ZNF469: variants seen among roughly 807,000 people sequenced by gnomAD.
ZNF469 encodes zinc finger protein 469.
Under a neutral mutation model 1.0 loss-of-function variants are expected in ZNF469, and 1 was observed. The observed-to-expected ratio is 1.00, with a 90% CI of 0.35 to 4.73. The LOEUF is 4.73. ZNF469 is among the 30% of genes most tolerant of loss of function. The pLI is 0.16. For synonymous variants in ZNF469, 2,703 were observed against 2,363.4 expected, an observed-to-expected ratio of 1.14 and a Z score of -4.17; for missense variants, 6,100 against 5,356.3, an observed-to-expected ratio of 1.14 and a Z score of -4.33.
chr16:88,121,330 G>A, the ZNF469 span, among the ~76,000 whole-genome samples: 38 of 152,064 alleles, frequency 2.5e-4, no homozygotes, highest in Non-Finnish European at 3.5e-4. Flanking sequence ...ATTAAAACTC[G>A]AAACAAAAAC....
the ZNF469 span, among the ~76,000 whole-genome samples, chr16:88,124,348 C>A: frequency 9.9e-5 from 15 of 152,252 alleles, no homozygotes; most frequent in African/African-American, 3.6e-4. Flanking sequence ...ACCTCAGCCT[C>A]CTGAGTAGCT....
At chr16:88,205,108 A>T in the ZNF469 span, among the ~76,000 whole-genome samples, 1 of 152,016 alleles carries the variant, frequency 6.6e-6, no homozygotes, top group South Asian at 2.1e-4. The surrounding 1 kb of genome is among the most constrained non-coding windows in gnomAD (Gnocchi z 4.2). Context: ...CATTCCCTGT[A>T]CCCCAATATT....
chr16:88,428,965 G>A lies in ZNF469; in HGVS notation c.1495G>A (p.Glu499Lys), dbSNP rs1194732406. 1 of 1,548,406 alleles carries A rather than the reference G, an allele frequency of 6.5e-7. No individual in the cohort carries two copies. Among genetic ancestry groups the A allele is most frequent in the Non-Finnish European group, 8.7e-7 (1 of 1,146,446 alleles). The change falls in exon 3 of 3, where the codon GAG becomes AAG. Residue 499 changes from glutamate to lysine, a missense_variant. Glu to Lys is a moderately conservative substitution (Grantham distance 56). Coordinates refer to ENST00000565624, the MANE Select transcript of ZNF469 (RefSeq NM_001367624.2). ...PTARPSPHGM[E>K]MLSRLPFPAG... ...CGCCCGGCCAAGTCCCCACGGAATG[G>A]AGATGCTGAGCCGGCTGCCTTTCCC...
At chr16:88,281,945 T>C in the ZNF469 span, among the ~76,000 whole-genome samples, 1 of 152,218 alleles carries the variant, frequency 6.6e-6, no homozygotes, top group Non-Finnish European at 1.5e-5. Flanking sequence ...GTGCATGGAT[T>C]GTACTGCGAG....
At chr16:88,115,627 C>T in the ZNF469 span, among the ~76,000 whole-genome samples, 599 of 11,754 alleles carry the variant, frequency 0.051, 3 homozygotes, top group Non-Finnish European at 0.073. Flanking sequence ...TTCTGGAGAC[C>T]AGAAGGGAAA....
chr16:88,107,266 TTTAATTGAC>T, the ZNF469 span, among the ~76,000 whole-genome samples: 1 of 152,006 alleles, frequency 6.6e-6, no homozygotes, highest in Non-Finnish European at 1.5e-5. Flanking sequence ...AGGAAAGAGG[TTTAATTGAC>T]TCACAGTTCA....
the ZNF469 span, among the ~76,000 whole-genome samples, chr16:88,346,269 C>G: frequency 6.6e-6 from 1 of 152,212 alleles, no homozygotes; most frequent in Non-Finnish European, 1.5e-5. Context: ...GTCTCTGGCC[C>G]GTTCATCTCG....
chr16:88,350,960 C>G, the ZNF469 span, among the ~76,000 whole-genome samples: 3 of 152,266 alleles, frequency 2.0e-5, no homozygotes, highest in African/African-American at 7.2e-5. Flanking sequence ...ACTTCCAGAA[C>G]TGTGGAGGAA....
chr16:88,361,633 C>T, the ZNF469 span, among the ~76,000 whole-genome samples: 2 of 151,996 alleles, frequency 1.3e-5, no homozygotes, highest in African/African-American at 4.8e-5. Flanking sequence ...TTTGAAAATG[C>T]TTTCTCCCAG....
the ZNF469 span, among the ~76,000 whole-genome samples, chr16:88,292,732 G>A: frequency 6.9e-6 from 1 of 144,598 alleles, no homozygotes; most frequent in South Asian, 2.2e-4. Flanking sequence ...TTGCTCACTC[G>A]TAGGCTCTCC....
chr16:88,233,010 T>C, the ZNF469 span, among the ~76,000 whole-genome samples: 36,172 of 152,014 alleles, frequency 0.24, 5,456 homozygotes, highest in African/African-American at 0.42. Context: ...CTTGGGCTCT[T>C]CCTCCTCCGC....
the ZNF469 span, among the ~76,000 whole-genome samples, chr16:88,211,059 G>C: frequency 1.3e-5 from 2 of 152,250 alleles, no homozygotes; most frequent in Non-Finnish European, 2.9e-5. Context: ...TCATTTGTCA[G>C]TCTACTTGTA....
In ZNF469 at chr16:88,429,370, T is replaced by G. The variant is rs902071348; in HGVS notation, c.1900T>G (p.Phe634Val). 2 of 1,549,696 alleles carry G rather than the reference T, an allele frequency of 1.3e-6. No individual in the cohort carries two copies. The highest frequency in any genetic ancestry group is 2.0e-5 in the Admixed American group (1 of 50,990). The change falls in exon 3 of 3, where the codon TTC becomes GTC. Residue 634 changes from phenylalanine to valine, a missense_variant. By Grantham distance (50) the Phe-to-Val change is conservative. Coordinates refer to ENST00000565624, the MANE Select transcript of ZNF469 (RefSeq NM_001367624.2). ...QLPGPLGPSA[F>V]FHPPTHPQET... ...CCCCGGCCCCCTCGGGCCCTCGGCCTTCTTCCACCCACCCACTCACCCCCA... is the reference window on the plus strand; with the variant it reads ...CCCCGGCCCCCTCGGGCCCTCGGCCGTCTTCCACCCACCCACTCACCCCCA...
intron 1 of ZNF469, among the ~76,000 whole-genome samples, chr16:88,389,433 C>G (rs932632122): frequency 1.8e-4 from 27 of 152,282 alleles, no homozygotes; most frequent in African/African-American, 6.5e-4. Flanking sequence ...CTTGCCTCCC[C>G]TGTCTGGCTG....
the ZNF469 span, among the ~76,000 whole-genome samples, chr16:88,141,963 G>A: frequency 5.3e-5 from 8 of 152,248 alleles, no homozygotes; most frequent in African/African-American, 1.9e-4. Context: ...TGTTGTTTCA[G>A]CCATAAGTCT....
chr16:88,289,027 GTGATAA>G, the ZNF469 span, among the ~76,000 whole-genome samples: 1 of 151,724 alleles, frequency 6.6e-6, no homozygotes, highest in Non-Finnish European at 1.5e-5. Context: ...GATGATGAGG[GTGATAA>G]TGATAACAGT....
chr16:88,243,115 C>T, the ZNF469 span, among the ~76,000 whole-genome samples: 3 of 152,174 alleles, frequency 2.0e-5, no homozygotes, highest in Non-Finnish European at 4.4e-5. Context: ...CATGACAGGG[C>T]TCAGCAAGTG....
chr16:88,231,597 G>A, the ZNF469 span, among the ~76,000 whole-genome samples: 32 of 152,246 alleles, frequency 2.1e-4, no homozygotes, highest in South Asian at 4.1e-4. This position sits in a 1 kb window ranked among gnomAD's most constrained non-coding sequence, Gnocchi z 4.5. Flanking sequence ...CTCTGAGGCC[G>A]TTGCACTCCT....
In ZNF469 at chr16:88,439,817, A is replaced by G. The variant is rs931917389; in HGVS notation, c.*485A>G. On this transcript the variant is annotated 3_prime_UTR_variant, in exon 3 of 3. Coordinates refer to ENST00000565624, the MANE Select transcript of ZNF469 (RefSeq NM_001367624.2). The stretch of plus-strand genomic sequence containing the variant: ...GTGACCTTAGAAACCACGTGGGGGA[A>G]GGCAGTGCTCACTACTTAGAAGGGT... 2.5e-5 allele frequency: 6 copies of G among 236,618 alleles called. No homozygotes were observed. The highest frequency in any genetic ancestry group is 1.4e-4 in the African/African-American group (6 of 43,260). The allele number at this position is 236,618 out of a possible 1,614,324, so 14.7% of individuals were successfully genotyped here.
Sources: allele counts gnomAD v4.1 joint callset (sites outside exome capture counted in the v4.1 genomes callset), GRCh38; gene constraint gnomAD v4.1.1; non-coding constraint Gnocchi (gnomAD v3.1); transcripts MANE v1.5; gene names NCBI Gene and HGNC (gene_info 2026-07-23, HGNC 2026-07-21).